Variants in ARID1B observed in about 807,000 individuals in gnomAD.
ARID1B encodes AT-rich interactive domain-containing protein 1B.
Under a neutral mutation model 212.3 loss-of-function variants are expected in ARID1B, and 30 were observed. The observed-to-expected ratio is 0.14, with a 90% CI of 0.11 to 0.19. The LOEUF is 0.19. Among genes scored for constraint, ARID1B ranks in the 10% least tolerant of loss-of-function variants. The pLI, the probability that ARID1B is intolerant of heterozygous loss-of-function variation, is 1.00. For synonymous variants in ARID1B, 1,402 were observed against 1,301.7 expected (o/e 1.08, Z -1.66); for missense variants, 2,891 against 3,204.0 (o/e 0.90, Z 2.36).
chr6:156,778,373 T>G lies in ARID1B; in HGVS notation c.693T>G (p.Pro231=), dbSNP rs370106545. 43 of 1,531,280 alleles carry G rather than the reference T, an allele frequency of 2.8e-5. No homozygotes were observed. The South Asian group carries it at 4.9e-4, about 17-fold the overall frequency. 94.9% of individuals were successfully genotyped at this position (1,531,280 alleles called of 1,614,324 possible). A position where few individuals can be genotyped will look rare whatever the true frequency, so the allele number is the denominator to read the frequency against. The change falls in exon 1 of 20, where the codon CCT becomes CCG. Residue 231 remains proline (P), a synonymous_variant. Transcript: ENST00000636930. The part of the protein sequence containing the change: ...NSLGGAGGGA[P]QPGPDMEQPQ... ...TGGGCGGCGCGGGCGGCGGCGCGCCTCAGCCCGGCCCCGACATGGAGCAGC... is the reference window on the plus strand; with the variant it reads ...TGGGCGGCGCGGGCGGCGGCGCGCCGCAGCCCGGCCCCGACATGGAGCAGC...
At chr6:156,821,182 C>T (rs1782326713) in intron 1 of ARID1B, among the ~76,000 whole-genome samples, 1 of 152,154 alleles carries the variant, frequency 6.6e-6, no homozygotes, top group Admixed American at 6.5e-5. Context: ...GAGATAAAGA[C>T]CAACTTCTTC....
intron 2 of ARID1B, among the ~76,000 whole-genome samples, chr6:156,857,969 C>A (rs895224626): frequency 6.6e-6 from 1 of 152,184 alleles, no homozygotes; most frequent in Non-Finnish European, 1.5e-5. Flanking sequence ...AGTAAAAATA[C>A]AACTTAGGTG....
At chr6:157,025,914 T>G (rs1342799496) in intron 4 of ARID1B, among the ~76,000 whole-genome samples, 1 of 152,100 alleles carries the variant, frequency 6.6e-6, no homozygotes, top group Admixed American at 6.5e-5. Context: ...GCTGTAACAT[T>G]GTGCTGGAAT....
intron 1 of ARID1B, among the ~76,000 whole-genome samples, chr6:156,801,587 A>G (rs943929673): frequency 3.3e-5 from 5 of 152,150 alleles, no homozygotes; most frequent in African/African-American, 1.2e-4. Context: ...TTAAAACCAC[A>G]TTATAAACAA....
At position 157,184,338 on chromosome 6, in the gene ARID1B, C is replaced by T. The variant is rs2128325396; in HGVS notation, c.3822C>T (p.Ala1274=). The part of the protein sequence containing the change: ...LKKQYIQYLF[A]FECKIERGEE... ...AGCAGTATATTCAGTACCTGTTTGCCTTTGAGTGCAAGATCGAACGTGGGG... is the reference window on the plus strand; with the variant it reads ...AGCAGTATATTCAGTACCTGTTTGCTTTTGAGTGCAAGATCGAACGTGGGG... Residue 1274 remains alanine, a synonymous_variant, in exon 13 of 20, where the codon GCC becomes GCT. Coordinates refer to ENST00000636930, the MANE Select transcript of ARID1B (RefSeq NM_001374828.1). 6.2e-7 allele frequency: 1 copy of T among 1,614,186 alleles called. No homozygotes were observed.
At chr6:157,177,630 A>G (rs893912917) in intron 11 of ARID1B, among the ~76,000 whole-genome samples, 1 of 152,256 alleles carries the variant, frequency 6.6e-6, no homozygotes, top group Non-Finnish European at 1.5e-5. Context: ...GACTGCTGAA[A>G]TGTAAATCTG....
chr6:156,806,658 T>C (rs1301725759), intron 1 of ARID1B, among the ~76,000 whole-genome samples: 1 of 152,244 alleles, frequency 6.6e-6, no homozygotes, highest in Admixed American at 6.5e-5. Context: ...GACACGACTT[T>C]ATTTCAAACC....
At chr6:157,161,852 C>G in intron 8 of ARID1B, among the ~76,000 whole-genome samples, 1 of 152,186 alleles carries the variant, frequency 6.6e-6, no homozygotes, top group South Asian at 2.1e-4. Flanking sequence ...CATAACCCAG[C>G]TACATCTACA....
At chr6:156,797,090 TC>T (rs1173783265) in intron 1 of ARID1B, among the ~76,000 whole-genome samples, 1 of 152,196 alleles carries the variant, frequency 6.6e-6, no homozygotes, top group African/African-American at 2.4e-5. Context: ...TGTATATACT[TC>T]CTTTATTCAT....
chr6:156,908,417 T>G (rs1789584562), intron 3 of ARID1B, among the ~76,000 whole-genome samples: 1 of 152,200 alleles, frequency 6.6e-6, no homozygotes, highest in Non-Finnish European at 1.5e-5. Context: ...ATAATGGTTT[T>G]TCTTCTTTTA....
Position 157,209,225 on chromosome 6 carries a change from CAT to C in ARID1B, c.*1335_*1336del. 1 of 230,478 alleles carries C rather than the reference CAT, an allele frequency of 4.3e-6. No homozygotes were observed. The highest frequency in any genetic ancestry group is 8.6e-6 in the Non-Finnish European group (1 of 116,220). 14.3% of individuals were successfully genotyped at this position (230,478 alleles called of 1,614,324 possible). A position where few individuals can be genotyped will look rare whatever the true frequency, so the allele number is the denominator to read the frequency against. Reference sequence around the variant, plus strand: ...CAGTATAAAATCTTTATATGTTCCACATGTTAAGAATAAATGTACATTAAATC... The same window carrying C: ...CAGTATAAAATCTTTATATGTTCCACGTTAAGAATAAATGTACATTAAATC... On this transcript the variant is annotated 3_prime_UTR_variant, in exon 20 of 20. Transcript: ENST00000636930.
At chr6:157,174,538 T>G (rs1791956929) in intron 10 of ARID1B, among the ~76,000 whole-genome samples, 1 of 151,854 alleles carries the variant, frequency 6.6e-6, no homozygotes, top group African/African-American at 2.4e-5. Flanking sequence ...AACAGCTTTT[T>G]TTTTTTCTTT....
chr6:156,980,105 G>T (rs931888679), intron 4 of ARID1B, among the ~76,000 whole-genome samples: 8 of 152,176 alleles, frequency 5.3e-5, no homozygotes, highest in Admixed American at 1.3e-4. Flanking sequence ...TTTAGCATTT[G>T]CCATTAAACA....
intron 8 of ARID1B, among the ~76,000 whole-genome samples, chr6:157,165,754 C>T (rs923602964): frequency 1.3e-5 from 2 of 152,120 alleles, no homozygotes; most frequent in South Asian, 2.1e-4. Context: ...GAGAGTGAGG[C>T]GGGAGAGTCG....
chr6:156,901,009 T>C (rs1432990531), intron 2 of ARID1B, among the ~76,000 whole-genome samples: 2 of 152,204 alleles, frequency 1.3e-5, no homozygotes, highest in Non-Finnish European at 2.9e-5. Flanking sequence ...TTTGGACTGT[T>C]TGAGTTCACT....
At chr6:157,165,764 G>T (rs896025291) in intron 8 of ARID1B, among the ~76,000 whole-genome samples, 1 of 152,108 alleles carries the variant, frequency 6.6e-6, no homozygotes, top group South Asian at 2.1e-4. Context: ...CGGGAGAGTC[G>T]CTTGAGCCTG....
chr6:156,780,863 A>T (rs1395014295), intron 1 of ARID1B, among the ~76,000 whole-genome samples: 1 of 152,236 alleles, frequency 6.6e-6, no homozygotes, highest in African/African-American at 2.4e-5. Context: ...AGGCCATTGA[A>T]AAATAAGTAA....
At chr6:157,061,320 A>G (rs1471612084) in intron 4 of ARID1B, among the ~76,000 whole-genome samples, 1 of 152,228 alleles carries the variant, frequency 6.6e-6, no homozygotes, top group African/African-American at 2.4e-5. Context: ...AAATATCTCA[A>G]AGCGGTGAAG....
intron 6 of ARID1B, among the ~76,000 whole-genome samples, chr6:157,115,670 G>A (rs35823661): frequency 0.16 from 24,957 of 152,062 alleles, 3,020 homozygotes; most frequent in East Asian, 0.59. Context: ...CTCGTGATCC[G>A]CCTGCCTCTG....
Sources: allele counts gnomAD v4.1 joint callset (sites outside exome capture counted in the v4.1 genomes callset), GRCh38; gene constraint gnomAD v4.1.1; transcripts MANE v1.5; gene names NCBI Gene and HGNC (gene_info 2026-07-23, HGNC 2026-07-21).